TECPR1: variants seen among roughly 807,000 people sequenced by gnomAD.
TECPR1 encodes the protein tectonin beta-propeller repeat containing 1.
A neutral mutation model predicts 162.4 loss-of-function variants in TECPR1; 122 were observed. The observed-to-expected ratio is 0.75, with a 90% CI of 0.65 to 0.87. The LOEUF is 0.87. Among genes scored for constraint, TECPR1 ranks in the 40% least tolerant of loss-of-function variants. The probability of loss-of-function intolerance (pLI) is 0.00; values close to 1 mark genes in which losing one functional copy is unlikely to be tolerated. For missense variants in TECPR1, 1,432 were observed against 1,618.2 expected, an observed-to-expected ratio of 0.88 and a Z score of 1.97; for synonymous variants, 642 against 670.6, an observed-to-expected ratio of 0.96 and a Z score of 0.66.
At chr7:98,227,560 C>T (rs1265349470) in intron 17 of TECPR1, among the ~76,000 whole-genome samples, 1 of 151,982 alleles carries the variant, frequency 6.6e-6, no homozygotes, top group Non-Finnish European at 1.5e-5. Flanking sequence ...GTGGCTCATG[C>T]CTGTAACCCC....
At position 98,238,512 on chromosome 7, in the gene TECPR1, G is replaced by T. The variant is rs1274899585; in HGVS notation, c.1032C>A (p.Asp344Glu). ...EMTMVNVGMN[D>E]QVWGIGCEDR... is the part of the protein sequence containing the mutation. ...GGCTGCAGACCCACGTGCACACCTG[G>T]TCGTTCATTCCCACGTTCACCATCG... Residue 344 changes from aspartate (D) to glutamate (E), a missense_variant, in exon 9 of 26, where the codon GAC becomes GAA. Coordinates refer to ENST00000447648, the MANE Select transcript of TECPR1 (RefSeq NM_015395.3). The T allele has an allele frequency of 3.8e-6, 6 of 1,559,784 alleles. No individual in the cohort carries two copies. The highest frequency in any genetic ancestry group is 2.4e-5 in the East Asian group (1 of 41,778).
At position 98,233,964 on chromosome 7, in the gene TECPR1, G is replaced by A. The variant is rs929056452; in HGVS notation, c.1182-53C>T. ...ACTCCCTTGCAGGGGAACAGGCGCT[G>A]TCAGGCAGGCCCAGCTCCAGCGTGC... is the stretch of plus-strand genomic sequence containing the variant. On this transcript the variant is annotated intron_variant, in intron 10 of 25. Transcript: ENST00000447648. 6.5e-5 allele frequency: 95 copies of A among 1,466,530 alleles called. No homozygotes were observed. In the African/African-American group the frequency reaches 1.2e-3, roughly 19 times the overall value. 90.8% of individuals were successfully genotyped at this position (1,466,530 alleles called of 1,614,324 possible). A position where few individuals can be genotyped will look rare whatever the true frequency, so the allele number is the denominator to read the frequency against.
At chr7:98,229,248 C>T (rs2116563217) in intron 15 of TECPR1, 82 bp from the exon 16 acceptor site, 5 of 1,492,784 alleles carry the variant, frequency 3.3e-6, no homozygotes, top group Non-Finnish European at 3.6e-6. Flanking sequence ...GTTCCGTGTC[C>T]TCCTGTGGTT....
At chr7:98,227,146 C>T (rs759392859) in intron 17 of TECPR1, among the ~76,000 whole-genome samples, 74 of 152,158 alleles carry the variant, frequency 4.9e-4, no homozygotes, top group Admixed American at 1.1e-3. Flanking sequence ...GTAATCCCAG[C>T]ACTTTGGGAG....
In TECPR1 at chr7:98,215,346, T is replaced by A. The variant is rs1203883229; in HGVS notation, c.*2044A>T. 4 of 152,294 alleles carry A rather than the reference T, an allele frequency of 2.6e-5. No individual in the cohort carries two copies. Among genetic ancestry groups the A allele is most frequent in the African/African-American group, 9.6e-5 (4 of 41,476 alleles). The allele number at this position is 152,294 out of a possible 1,614,324, so 9.4% of individuals were successfully genotyped here. ...AATTGTGCTGAAAATGTTTCTCAAATGACCCAAATTGGCTCTTATTTTTTC... is the reference window on the plus strand; with the variant it reads ...AATTGTGCTGAAAATGTTTCTCAAAAGACCCAAATTGGCTCTTATTTTTTC... On this transcript the variant is annotated 3_prime_UTR_variant, in exon 26 of 26. Coordinates refer to ENST00000447648, the MANE Select transcript of TECPR1 (RefSeq NM_015395.3).
Position 98,217,992 on chromosome 7 carries a change from T to TA in TECPR1, c.3207_3208insT (p.Ser1070Ter). 1 of 1,567,972 alleles carries TA rather than the reference T, an allele frequency of 6.4e-7. No homozygotes were observed. The highest frequency in any genetic ancestry group is 1.7e-4 in the Middle Eastern group (1 of 6,008). ...ACGTTGTTGGACACGTGCTCCCAGC[T>TA]GGAGCCCTGCGGGTAGCTGGGCGTG... is the stretch of plus-strand genomic sequence containing the variant. On this transcript the variant is annotated frameshift_variant, in exon 24 of 26. Coordinates refer to ENST00000447648, the MANE Select transcript of TECPR1 (RefSeq NM_015395.3). LOFTEE classifies it high-confidence loss of function.
In TECPR1 at chr7:98,223,063, C is replaced by T; in HGVS notation, c.2855G>A (p.Ser952Asn). ...ESPGAEGSGH[S>N]IALWAVSDKG... The stretch of plus-strand genomic sequence containing the variant: ...GTCGCTGACGGCCCAGAGGGCGATG[C>T]TGTGCCCACTCCCCTCGGCACCCGG... Residue 952 changes from serine (S) to asparagine (N), a missense_variant, in exon 21 of 26, where the codon AGC becomes AAC. By Grantham distance (46) the Ser-to-Asn change is conservative. Coordinates refer to ENST00000447648, the MANE Select transcript of TECPR1 (RefSeq NM_015395.3). 1 of 1,607,066 alleles carries T rather than the reference C, an allele frequency of 6.2e-7. No individual in the cohort carries two copies. The highest frequency in any genetic ancestry group is 8.5e-7 in the Non-Finnish European group (1 of 1,177,390).
intron 5 of TECPR1, 46 bp downstream of exon 5, chr7:98,244,525 T>G (rs1798849726): frequency 1.3e-6 from 2 of 1,550,616 alleles, no homozygotes. Context: ...TGTGACACTC[T>G]GTCCTGGCCC....
rs369426783 is a variant in TECPR1, at chr7:98,232,932, C to A, written c.1713G>T (p.Thr571=). The A allele has an allele frequency of 2.8e-5, 45 of 1,612,452 alleles. No homozygotes were observed. Among genetic ancestry groups the A allele is most frequent in the African/African-American group, 5.3e-5 (4 of 74,914 alleles). The change falls in exon 12 of 26, where the codon ACG becomes ACT. Residue 571 remains threonine (T), a synonymous_variant. Coordinates refer to ENST00000447648, the MANE Select transcript of TECPR1 (RefSeq NM_015395.3). The surrounding 1 kb of genome is among the most constrained non-coding windows in gnomAD (Gnocchi z 4.6). ...SSVHMLSLSI[T]PAQTAAWRKQ... The stretch of plus-strand genomic sequence containing the variant: ...TCCTCCAGGCAGCGGTCTGGGCCGG[C>A]GTGATGGACAGGGACAGCATGTGTA...
chr7:98,243,559 CG>C lies in TECPR1; in HGVS notation c.564del (p.Asp189ThrfsTer8). The C allele has an allele frequency of 6.2e-7, 1 of 1,612,510 alleles. No homozygotes were observed. The highest frequency in any genetic ancestry group is 8.5e-7 in the Non-Finnish European group (1 of 1,179,760). On this transcript the variant is annotated frameshift_variant, in exon 6 of 26. Coordinates refer to ENST00000447648, the MANE Select transcript of TECPR1 (RefSeq NM_015395.3). LOFTEE classifies it high-confidence loss of function. Reference sequence around the variant, plus strand: ...CCTACAGAGAGGTCGTTGAAGGGGTCGGGCAGCTCCTTGGGGTCATCCTTCG... The same window carrying C: ...CCTACAGAGAGGTCGTTGAAGGGGTCGGCAGCTCCTTGGGGTCATCCTTCG... ...IPSKDDPKEL[P>X]DPFNDLSVGG...
chr7:98,246,545 G>A lies in TECPR1; in HGVS notation c.-19-380C>T, dbSNP rs530296844. Among the ~76,000 whole-genome samples the A allele has an allele frequency of 7.6e-3, 1,159 of 151,996 alleles. 12 individuals are homozygous for A. Among genetic ancestry groups the A allele is most frequent in the Non-Finnish European group, 0.011 (755 of 67,952 alleles). On this transcript the variant is annotated intron_variant, in intron 2 of 25. Transcript: ENST00000447648. ...CTCCCAAAGTGCTGGGATTACAGGC[G>A]TGAGCCACCGCGCGTGGCCAACTGC...
rs756239690 is a variant in TECPR1, at chr7:98,244,630, C to T, written c.472G>A (p.Val158Met). ...YTKDKKWNSCVRRRKWIRYRR... is the reference protein window; with the variant it reads ...YTKDKKWNSCMRRRKWIRYRR... The stretch of plus-strand genomic sequence containing the variant: ...TACCGGATCCACTTCCGGCGCCGCA[C>T]ACAAGAATTCCACTTCTTGTCTTTC... Residue 158 changes from valine (V) to methionine (M), a missense_variant, in exon 5 of 26, where the codon GTG becomes ATG. Physicochemically the swap from Val to Met is conservative, Grantham distance 21. Transcript: ENST00000447648. 1.9e-6 allele frequency: 3 copies of T among 1,613,098 alleles called. No homozygotes were observed. Among genetic ancestry groups the T allele is most frequent in the Non-Finnish European group, 2.5e-6 (3 of 1,179,628 alleles).
At position 98,241,062 on chromosome 7, in the gene TECPR1, C is replaced by A; in HGVS notation, c.832+8G>T. On this transcript the variant is annotated splice_region_variant and intron_variant, in intron 7 of 25. Transcript: ENST00000447648. This position sits in a 1 kb window ranked among gnomAD's most constrained non-coding sequence, Gnocchi z 5.0. The stretch of plus-strand genomic sequence containing the variant: ...AGGGTATGTGGGTGGGGGAGCCGGG[C>A]TGCCCACCTTTGGGATTGCTCCTGT... 1 of 1,599,646 alleles carries A rather than the reference C, an allele frequency of 6.3e-7. No homozygotes were observed.
chr7:98,240,661 C>T lies in TECPR1; in HGVS notation c.933+190G>A, dbSNP rs117387417. Among the ~76,000 whole-genome samples the T allele has an allele frequency of 4.7e-3, 709 of 152,190 alleles. 9 individuals are homozygous for T. Among genetic ancestry groups the T allele is most frequent in the East Asian group, 0.022 (112 of 5,172 alleles). ...AACTCCTGACCTCAGGCAATCTGCC[C>T]ACCTAGGCCTCCCGATGTGCTGGGA... On this transcript the variant is annotated intron_variant, in intron 8 of 25. Coordinates refer to ENST00000447648, the MANE Select transcript of TECPR1 (RefSeq NM_015395.3).
At chr7:98,242,283 T>G (rs1798770560) in intron 6 of TECPR1, among the ~76,000 whole-genome samples, 1 of 152,132 alleles carries the variant, frequency 6.6e-6, no homozygotes, top group African/African-American at 2.4e-5. Flanking sequence ...GACTCGAGTG[T>G]CAGCGCCCTG....
At chr7:98,229,197 C>A (rs1352357312) in intron 15 of TECPR1, 31 bp from the exon 16 acceptor site, 2 of 1,542,026 alleles carry the variant, frequency 1.3e-6, no homozygotes, top group Non-Finnish European at 8.8e-7. Flanking sequence ...AGGTGGAAAC[C>A]CCTCAGACCC....
At chr7:98,223,872 G>A (rs3816943) in intron 19 of TECPR1, 154 bp from the exon 20 acceptor site, 135,097 of 755,862 alleles carry the variant, frequency 0.18, 13,825 homozygotes, top group Admixed American at 0.31. Context: ...CACCACGCGC[G>A]GCTCTCAGGA....
chr7:98,224,957 G>A lies in TECPR1; in HGVS notation c.2610+49C>T, dbSNP rs144232728. The A allele has an allele frequency of 8.4e-6, 13 of 1,539,608 alleles. No homozygotes were observed. The Middle Eastern group carries it at 6.8e-4, about 80-fold the overall frequency. On this transcript the variant is annotated intron_variant, in intron 18 of 25. Coordinates refer to ENST00000447648, the MANE Select transcript of TECPR1 (RefSeq NM_015395.3). ...CAGAACACTCGAGGAGGGGCAAGGA[G>A]GGGTGGGAGGGCGGATTCCCAACCC...
intron 10 of TECPR1, among the ~76,000 whole-genome samples, chr7:98,234,524 C>T (rs1562939752): frequency 2.0e-5 from 3 of 152,186 alleles, no homozygotes; most frequent in East Asian, 1.9e-4. Context: ...GACTAAAACG[C>T]GTTTTCAAGC....
Sources: allele counts gnomAD v4.1 joint callset (sites outside exome capture counted in the v4.1 genomes callset), GRCh38; gene constraint gnomAD v4.1.1; non-coding constraint Gnocchi (gnomAD v3.1); transcripts MANE v1.5; gene names NCBI Gene and HGNC (gene_info 2026-07-23, HGNC 2026-07-21).